Variants in GRB7 observed in about 807,000 individuals in gnomAD.
GRB7 encodes growth factor receptor bound protein 7, also known as growth factor receptor-bound protein 7.
A neutral mutation model predicts 64.1 loss-of-function variants in GRB7; 47 were observed. That is an observed-to-expected ratio of 0.73 (90% CI 0.58 to 0.94). GRB7 has a LOEUF of 0.94. GRB7 is among the 40% of genes least tolerant of loss of function. The pLI, the probability that GRB7 is intolerant of heterozygous loss-of-function variation, is 0.00. For synonymous variants in GRB7, 277 were observed against 279.9 expected (o/e 0.99, Z 0.10); for missense variants, 634 against 718.4 (o/e 0.88, Z 1.34).
chr17:39,741,510 C>T (rs536318369), intron 1 of GRB7, among the ~76,000 whole-genome samples: 1 of 152,370 alleles, frequency 6.6e-6, no homozygotes, highest in East Asian at 1.9e-4. Flanking sequence ...CAAGTATGAA[C>T]AGGCTCTGGC....
At chr17:39,743,360 G>A in intron 5 of GRB7, 33 bp from the exon 6 acceptor site, 1 of 1,614,170 alleles carries the variant, frequency 6.2e-7, no homozygotes, top group Non-Finnish European at 8.5e-7. Context: ...CTGGATGCTG[G>A]AGCCCTGATC....
At chr17:39,740,820 G>A (rs941856888) in intron 1 of GRB7, among the ~76,000 whole-genome samples, 18 of 149,116 alleles carry the variant, frequency 1.2e-4, no homozygotes, top group Admixed American at 2.7e-4. Context: ...GTGTTGTCCC[G>A]CCCGCCCTGA....
Position 39,743,380 on chromosome 17 carries a change from T to G in GRB7, c.586-13T>G. On this transcript the variant is annotated splice_polypyrimidine_tract_variant and intron_variant, in intron 5 of 14. Coordinates refer to ENST00000309156, the MANE Select transcript of GRB7 (RefSeq NM_005310.5). Reference sequence around the variant, plus strand: ...TGCTGGAGCCCTGATCCCTGACACTTGTCTACCCACAGCACTCCCTGTTCC... The same window carrying G: ...TGCTGGAGCCCTGATCCCTGACACTGGTCTACCCACAGCACTCCCTGTTCC... 6.2e-7 allele frequency: 1 copy of G among 1,614,194 alleles called. No individual in the cohort carries two copies. The highest frequency in any genetic ancestry group is 8.5e-7 in the Non-Finnish European group (1 of 1,180,006).
In GRB7 at chr17:39,745,279, C is replaced by T. The variant is rs974564224; in HGVS notation, c.1048C>T (p.Gln350Ter). The T allele has an allele frequency of 6.2e-7, 1 of 1,612,410 alleles. No homozygotes were observed. The highest frequency in any genetic ancestry group is 1.1e-5 in the South Asian group (1 of 90,822). The change falls in exon 10 of 15, where the codon CAG becomes TAG. Residue 350 changes from glutamine to a stop codon, truncating the protein, a stop_gained. Coordinates refer to ENST00000309156, the MANE Select transcript of GRB7 (RefSeq NM_005310.5). LOFTEE classifies it high-confidence loss of function. ...GCTGTACAAGAATTACCAGCAGGCACAGTCTCGCCATCTGCATCCATCTTG... is the reference window on the plus strand; with the variant it reads ...GCTGTACAAGAATTACCAGCAGGCATAGTCTCGCCATCTGCATCCATCTTG... ...VQLYKNYQQA[Q>*]SRHLHPSCLG... is the part of the protein sequence containing the mutation.
At position 39,743,205 on chromosome 17, in the gene GRB7, C is replaced by G; in HGVS notation, c.489C>G (p.Ser163=). 1 of 1,614,150 alleles carries G rather than the reference C, an allele frequency of 6.2e-7. No individual in the cohort carries two copies. Among genetic ancestry groups the G allele is most frequent in the South Asian group, 1.1e-5 (1 of 91,088 alleles). Reference sequence around the variant, plus strand: ...AGCGGGGTTTGGAGGACCACGAGTCCGTGGTGGAAGTGCAGGCTGCCTGGC... The same window carrying G: ...AGCGGGGTTTGGAGGACCACGAGTCGGTGGTGGAAGTGCAGGCTGCCTGGC... ...ALERGLEDHE[S]VVEVQAAWPV... is the part of the protein sequence containing the mutation. The change falls in exon 5 of 15, where the codon TCC becomes TCG. Residue 163 remains serine (S), a synonymous_variant. Coordinates refer to ENST00000309156, the MANE Select transcript of GRB7 (RefSeq NM_005310.5).
chr17:39,745,158 G>C, intron 9 of GRB7, 85 bp from the exon 10 acceptor site: 1 of 1,270,850 alleles, frequency 7.9e-7, no homozygotes. Context: ...GCCCTGGTCT[G>C]GGCAAGTCCT....
intron 1 of GRB7, among the ~76,000 whole-genome samples, chr17:39,741,416 G>A (rs2059993338): frequency 1.3e-5 from 2 of 152,124 alleles, no homozygotes; most frequent in South Asian, 2.1e-4. Flanking sequence ...AGCGGAGCCC[G>A]CTCTCCTGCC....
chr17:39,744,377 G>A, intron 7 of GRB7, 170 bp downstream of exon 7: 1 of 899,888 alleles, frequency 1.1e-6, no homozygotes, highest in Non-Finnish European at 1.7e-6. Context: ...GCCCAGGGAG[G>A]TAGCAGGAGA....
Position 39,745,338 on chromosome 17 carries a change from G to A in GRB7, c.1092+15G>A. The A allele has an allele frequency of 6.2e-7, 1 of 1,608,672 alleles. No homozygotes were observed. The highest frequency in any genetic ancestry group is 8.5e-7 in the Non-Finnish European group (1 of 1,176,286). ...CCCCACCCTTGGTGAGTGTGCCCAAGGGGATGGGAGGGTGGGTATGCAGGC... is the reference window on the plus strand; with the variant it reads ...CCCCACCCTTGGTGAGTGTGCCCAAAGGGATGGGAGGGTGGGTATGCAGGC... On this transcript the variant is annotated intron_variant, in intron 10 of 14. Coordinates refer to ENST00000309156, the MANE Select transcript of GRB7 (RefSeq NM_005310.5).
intron 1 of GRB7, among the ~76,000 whole-genome samples, chr17:39,739,729 G>A (rs543756361): frequency 1.3e-5 from 2 of 152,394 alleles, no homozygotes; most frequent in South Asian, 4.1e-4. Flanking sequence ...GGAACCACTG[G>A]GGGAGGAGGC....
At chr17:39,742,478 G>C in intron 2 of GRB7, 22 bp downstream of exon 2, 1 of 1,613,120 alleles carries the variant, frequency 6.2e-7, no homozygotes, top group Non-Finnish European at 8.5e-7. Context: ...CGTGGGGCTT[G>C]GGGGAGGTCA....
intron 1 of GRB7, among the ~76,000 whole-genome samples, chr17:39,740,914 C>T (rs746322977): frequency 6.6e-6 from 1 of 152,160 alleles, no homozygotes; most frequent in South Asian, 2.1e-4. Context: ...CCAGGTGCCC[C>T]AGGTGGCCTC....
intron 7 of GRB7, 133 bp downstream of exon 7, chr17:39,744,340 C>T: frequency 9.1e-7 from 1 of 1,096,618 alleles, no homozygotes; most frequent in Non-Finnish European, 1.3e-6. Context: ...TTTACCATCT[C>T]TCCCTACATC....
chr17:39,743,477 G>A lies in GRB7; in HGVS notation c.663+7G>A. 1.2e-6 allele frequency: 2 copies of A among 1,612,652 alleles called. No individual in the cohort carries two copies. The highest frequency in any genetic ancestry group is 2.2e-5 in the East Asian group (1 of 44,864). On this transcript the variant is annotated splice_region_variant and intron_variant, in intron 6 of 14. Transcript: ENST00000309156. ...CCATGAAGACCTCATCCAGGTGGGG[G>A]GACCCCCCATTTCACTGCAGATTCA...
intron 14 of GRB7, 112 bp from the exon 15 acceptor site, chr17:39,746,639 A>G: frequency 2.2e-6 from 1 of 454,670 alleles, no homozygotes; most frequent in Non-Finnish European, 3.3e-6. Flanking sequence ...AGAAAGAAAA[A>G]GAAAAAGAAA....
intron 1 of GRB7, among the ~76,000 whole-genome samples, chr17:39,741,755 T>C (rs747423174): frequency 2.0e-5 from 3 of 151,830 alleles, no homozygotes; most frequent in Admixed American, 1.3e-4. Context: ...CGTGGTGGCT[T>C]ACGCCTGTAA....
chr17:39,741,794 C>T (rs113903339), intron 1 of GRB7, among the ~76,000 whole-genome samples: 4,261 of 151,670 alleles, frequency 0.028, 88 homozygotes, highest in Non-Finnish European at 0.042. Context: ...CCAAGGCGGG[C>T]GGATCAGGAG....
Position 39,745,463 on chromosome 17 carries a change from T to C in GRB7, c.1134T>C (p.Ser378=). The C allele has an allele frequency of 6.2e-7, 1 of 1,614,098 alleles. No homozygotes were observed. The highest frequency in any genetic ancestry group is 2.2e-5 in the East Asian group (1 of 44,884). Residue 378 remains serine (S), a synonymous_variant, in exon 11 of 15, where the codon TCT becomes TCC. Coordinates refer to ENST00000309156, the MANE Select transcript of GRB7 (RefSeq NM_005310.5). ...ATACCCTGGTGGCCATGGACTTCTC[T>C]GGCCATGCTGGGCGTGTCATTGAGA... is the stretch of plus-strand genomic sequence containing the variant. The part of the protein sequence containing the change: ...SDNTLVAMDF[S]GHAGRVIENP...
chr17:39,741,828 G>A (rs577193303), intron 1 of GRB7, among the ~76,000 whole-genome samples: 1 of 152,158 alleles, frequency 6.6e-6, no homozygotes, highest in Admixed American at 6.5e-5. Context: ...TGGCCAACAT[G>A]GTGAAACCCT....
Sources: allele counts gnomAD v4.1 joint callset (sites outside exome capture counted in the v4.1 genomes callset), GRCh38; gene constraint gnomAD v4.1.1; transcripts MANE v1.5; gene names NCBI Gene and HGNC (gene_info 2026-07-23, HGNC 2026-07-21).